Variants in COL23A1 observed in about 807,000 individuals in gnomAD.
COL23A1 encodes collagen alpha-1(XXIII) chain.
In COL23A1, 97 loss-of-function variants were observed where a neutral mutation model predicts 99.3. The ratio of observed to expected loss-of-function variants is 0.98; its 90% confidence interval spans 0.83 to 1.16. The LOEUF is 1.16. Among genes scored for constraint, COL23A1 ranks in the 50% most tolerant of loss-of-function variants. COL23A1 has a pLI of 0.00. For missense variants in COL23A1, 762 were observed against 757.4 expected, an observed-to-expected ratio of 1.01 and a Z score of -0.07; for synonymous variants, 320 against 308.2, an observed-to-expected ratio of 1.04 and a Z score of -0.40.
At chr5:178,577,146 C>T (rs567375828) in intron 1 of COL23A1, among the ~76,000 whole-genome samples, 13 of 152,302 alleles carry the variant, frequency 8.5e-5, no homozygotes, top group African/African-American at 3.1e-4. Flanking sequence ...CAAGGCCCAG[C>T]GGGTCCCTGC....
At chr5:178,348,706 T>C (rs1245650560) in intron 2 of COL23A1, among the ~76,000 whole-genome samples, 1 of 151,998 alleles carries the variant, frequency 6.6e-6, no homozygotes, top group Non-Finnish European at 1.5e-5. Context: ...CCCCCATGGG[T>C]GCCCAGTGGC....
At chr5:178,358,503 ATATGTGTG>A (rs1250044510) in intron 2 of COL23A1, among the ~76,000 whole-genome samples, 43 of 93,590 alleles carry the variant, frequency 4.6e-4, no homozygotes, top group South Asian at 1.1e-3. Flanking sequence ...GTATGCGTGT[ATATGTGTG>A]TATGTGTGTA....
intron 2 of COL23A1, among the ~76,000 whole-genome samples, chr5:178,511,493 C>T (rs933655707): frequency 6.6e-6 from 1 of 152,234 alleles, no homozygotes; most frequent in Non-Finnish European, 1.5e-5. Context: ...GGGATGCATG[C>T]TTGTTAAAAG....
intron 1 of COL23A1, chr5:178,562,733 T>TTGGGGGGG (rs1554197562): frequency 1.0e-5 from 1 of 97,696 alleles, no homozygotes; most frequent in East Asian, 2.4e-4. Context: ...CGCTGGCTGG[T>TTGGGGGGG]GGTGGGGGGG....
At chr5:178,239,260 AG>A in intron 27 of COL23A1, 81 bp from the exon 28 acceptor site, 1 of 1,502,330 alleles carries the variant, frequency 6.7e-7, no homozygotes, top group Non-Finnish European at 9.3e-7. Flanking sequence ...CCTGGTCTGT[AG>A]GGAGGTGCAG....
chr5:178,389,827 C>T (rs1468906508), intron 2 of COL23A1, among the ~76,000 whole-genome samples: 2 of 152,134 alleles, frequency 1.3e-5, no homozygotes, highest in Non-Finnish European at 2.9e-5. Context: ...GCTTGCGTGA[C>T]GGGTGGGCAC....
At chr5:178,311,667 C>CA (rs56070147) in intron 2 of COL23A1, among the ~76,000 whole-genome samples, 114,936 of 149,542 alleles carry the variant, frequency 0.77, 44,770 homozygotes, top group Non-Finnish European at 0.83. Context: ...ATCATCCCAC[C>CA]ATGGCCTCCC....
chr5:178,402,113 G>C (rs781104819), intron 2 of COL23A1, among the ~76,000 whole-genome samples: 19 of 152,184 alleles, frequency 1.2e-4, no homozygotes, highest in Non-Finnish European at 2.2e-4. Flanking sequence ...ACCGCGCCCA[G>C]CTGCCTTTGT....
At chr5:178,275,151 C>T (rs1756514196) in intron 5 of COL23A1, among the ~76,000 whole-genome samples, 1 of 152,256 alleles carries the variant, frequency 6.6e-6, no homozygotes, top group Non-Finnish European at 1.5e-5. Flanking sequence ...TCAGTTTCCT[C>T]ATTTGTGAAA....
At chr5:178,539,263 G>A (rs57073988) in intron 2 of COL23A1, among the ~76,000 whole-genome samples, 21,708 of 152,134 alleles carry the variant, frequency 0.14, 1,690 homozygotes, top group Middle Eastern at 0.22. Flanking sequence ...GAGAAATAAT[G>A]AGGCCGAGCA....
intron 2 of COL23A1, chr5:178,345,076 T>C: frequency 1.7e-6 from 1 of 588,264 alleles, no homozygotes; most frequent in Admixed American, 2.0e-5. Flanking sequence ...AAGAAGCTTT[T>C]GGTTCATCTC....
At chr5:178,270,306 G>A in intron 6 of COL23A1, 31 bp downstream of exon 6, 2 of 1,613,450 alleles carry the variant, frequency 1.2e-6, no homozygotes. Flanking sequence ...CCCAGCCCAG[G>A]ACCCCCTGGA....
In COL23A1 at chr5:178,560,610, T is replaced by C. The variant is rs923760894; in HGVS notation, c.361+72A>G. 3 of 1,410,424 alleles carry C rather than the reference T, an allele frequency of 2.1e-6. No homozygotes were observed. The African/African-American group carries it at 4.3e-5, about 20-fold the overall frequency. 87.4% of individuals were successfully genotyped at this position (1,410,424 alleles called of 1,614,324 possible). ...ACACCCCAGTCCACCTTCCGGACCA[T>C]GCTGTTCTCAGCAATCCCAAGCAAA... is the stretch of plus-strand genomic sequence containing the variant. On this transcript the variant is annotated intron_variant, in intron 2 of 28. Transcript: ENST00000390654.
rs1403075485 is a variant in COL23A1, at chr5:178,388,054, G to A, written c.362-81135C>T. On this transcript the variant is annotated intron_variant, in intron 2 of 28. Coordinates refer to ENST00000390654, the MANE Select transcript of COL23A1 (RefSeq NM_173465.4). ...TGTCCACCCAGCGCACGCTCTCCAC[G>A]GTGTGATTCTTCCAGTAGGCTCACC... Among the ~76,000 whole-genome samples the A allele has an allele frequency of 9.2e-5, 14 of 152,126 alleles. No homozygotes were observed. The South Asian group carries it at 2.5e-3, about 27-fold the overall frequency.
intron 2 of COL23A1, among the ~76,000 whole-genome samples, chr5:178,413,526 C>T (rs1360950403): frequency 2.0e-5 from 3 of 152,188 alleles, no homozygotes; most frequent in East Asian, 3.8e-4. Context: ...TGGAATTGTG[C>T]CAGGCACTGA....
rs1760622771 is a variant in COL23A1 at position 178,340,967 on chromosome 5, A to G, written c.362-34048T>C. On this transcript the variant is annotated intron_variant, in intron 2 of 28. Coordinates refer to ENST00000390654, the MANE Select transcript of COL23A1 (RefSeq NM_173465.4). This position sits in a 1 kb window ranked among gnomAD's most constrained non-coding sequence, Gnocchi z 4.7. ...AGCTGGTTTAGACCTCATACTGACC[A>G]TACCCACCAGCTCTATTTCCCCCAT... Among the ~76,000 whole-genome samples the G allele has an allele frequency of 6.6e-6, 1 of 152,200 alleles. No individual in the cohort carries two copies. The highest frequency in any genetic ancestry group is 1.5e-5 in the Non-Finnish European group (1 of 68,020).
chr5:178,382,103 G>A (rs981183680), intron 2 of COL23A1, among the ~76,000 whole-genome samples: 3 of 151,430 alleles, frequency 2.0e-5, no homozygotes, highest in Non-Finnish European at 4.4e-5. Context: ...ATCTTCGGGG[G>A]GAATGGGTGG....
At chr5:178,464,512 T>C (rs760964809) in intron 2 of COL23A1, among the ~76,000 whole-genome samples, 7 of 152,192 alleles carry the variant, frequency 4.6e-5, no homozygotes, top group Non-Finnish European at 1.0e-4. Flanking sequence ...ACACAATAAA[T>C]AGCTTCTTCC....
chr5:178,535,809 G>A (rs533544657), intron 2 of COL23A1, among the ~76,000 whole-genome samples: 2 of 152,400 alleles, frequency 1.3e-5, no homozygotes, highest in South Asian at 2.1e-4. Context: ...ATCGTGGAGA[G>A]GGCTGTGAGA....
Sources: allele counts gnomAD v4.1 joint callset (sites outside exome capture counted in the v4.1 genomes callset), GRCh38; gene constraint gnomAD v4.1.1; non-coding constraint Gnocchi (gnomAD v3.1); transcripts MANE v1.5; gene names NCBI Gene and HGNC (gene_info 2026-07-23, HGNC 2026-07-21).